Variants in TJP1 observed in about 807,000 individuals in gnomAD.
TJP1 encodes the protein tight junction protein 1.
Under a neutral mutation model 194.2 loss-of-function variants are expected in TJP1, and 43 were observed. The ratio of observed to expected loss-of-function variants is 0.22; its 90% confidence interval spans 0.17 to 0.29. The LOEUF (loss-of-function observed/expected upper bound fraction) is 0.29. Ranked by LOEUF, TJP1 falls within the 10% of genes least tolerant of loss-of-function variation. The probability of loss-of-function intolerance (pLI) is 1.00; values close to 1 mark genes in which losing one functional copy is unlikely to be tolerated. For missense variants in TJP1, 1,971 were observed against 2,185.7 expected (o/e 0.90, Z 1.96); for synonymous variants, 801 against 779.0 (o/e 1.03, Z -0.47).
At position 29,701,680 on chromosome 15, in the gene TJP1, T is replaced by A; in HGVS notation, c.5222A>T (p.Lys1741Ile). Reference protein sequence around the residue: ...KSSDSSSGDPKTWQNKCLPGD... With the variant: ...KSSDSSSGDPITWQNKCLPGD... ...GGGAAGACACTTGTTTTGCCAGGTT[T>A]TAGGATCACCTATGAGAGAAAAGAA... is the stretch of plus-strand genomic sequence containing the variant. The change falls in exon 28 of 28, where the codon AAA (lysine) becomes ATA (isoleucine). Residue 1741 changes from lysine (K) to isoleucine (I), a missense_variant. Around this residue, in one of 5 missense-constraint regions of TJP1, gnomAD observed 1,108 missense variants for 1,128.5 expected, o/e 0.98. Coordinates refer to ENST00000614355, the MANE Select transcript of TJP1 (RefSeq NM_001330239.4). 1 of 1,613,966 alleles carries A rather than the reference T, an allele frequency of 6.2e-7. No individual in the cohort carries two copies. Among genetic ancestry groups the A allele is most frequent in the South Asian group, 1.1e-5 (1 of 91,086 alleles).
chr15:29,767,958 C>T (rs2046424619), intron 4 of TJP1, among the ~76,000 whole-genome samples: 1 of 152,172 alleles, frequency 6.6e-6, no homozygotes, highest in Non-Finnish European at 1.5e-5. Flanking sequence ...AAACTTCAAT[C>T]TCTTTATTTA....
At chr15:29,762,956 A>T (rs2046101746) in intron 5 of TJP1, among the ~76,000 whole-genome samples, 1 of 152,150 alleles carries the variant, frequency 6.6e-6, no homozygotes, top group Non-Finnish European at 1.5e-5. Flanking sequence ...CTTTGAAAAG[A>T]TTGACCATTT....
rs775104061 is a variant in TJP1 at position 29,761,172 on chromosome 15, G to A, written c.977C>T (p.Ser326Phe). ...GCTTGGCTGCTGCGGCGAGTGCCTG[G>A]AATGATCAGAAGGCTCTGACCGCTG... ...PDQRSEPSDH[S>F]RHSPQQPSNG... Residue 326 changes from serine (S) to phenylalanine (F), a missense_variant, in exon 8 of 28, where the codon TCC (serine) becomes TTC (phenylalanine). Around this residue, in one of 5 missense-constraint regions of TJP1, gnomAD observed 192 missense variants for 182.3 expected, o/e 1.05. Coordinates refer to ENST00000614355, the MANE Select transcript of TJP1 (RefSeq NM_001330239.4). The A allele has an allele frequency of 2.5e-6, 4 of 1,612,758 alleles. No individual in the cohort carries two copies. Among genetic ancestry groups the A allele is most frequent in the East Asian group, 2.2e-5 (1 of 44,776 alleles).
chr15:29,968,869 A>C, exon 1 of TJP1: 1 of 451,890 alleles, frequency 2.2e-6, no homozygotes, highest in Non-Finnish European at 2.9e-6. Context: ...CGCCGCCACC[A>C]CAGCTCCCAC....
In TJP1 at chr15:29,719,124, A is replaced by G; in HGVS notation, c.3018T>C (p.Asp1006=). The G allele has an allele frequency of 6.2e-7, 1 of 1,611,306 alleles. No homozygotes were observed. Among genetic ancestry groups the G allele is most frequent in the South Asian group, 1.1e-5 (1 of 90,568 alleles). ...GCCTCATCATTTCCTCGGGATATGG[A>G]TCCTTTCTATACACCTGTATAAAAA... ...HVDPTKVYRK[D]PYPEEMMRQN... is the part of the protein sequence containing the mutation. Residue 1006 remains aspartate (D), a synonymous_variant, in exon 21 of 28, where the codon GAT becomes GAC. Transcript: ENST00000614355.
Position 29,895,164 on chromosome 15 carries a change from G to T in TJP1, c.306+61068C>A, listed in dbSNP as rs115971664. On this transcript the variant is annotated intron_variant, in intron 2 of 28. Transcript: ENST00000356107. ...GTGGATTCACACCAATCTCATCAAA[G>T]AGTTGCTTGGCCACACCCTTGCTGT... Among the ~76,000 whole-genome samples the T allele has an allele frequency of 5.0e-3, 758 of 152,294 alleles. 7 individuals carry two copies. Among genetic ancestry groups the T allele is most frequent in the African/African-American group, 0.017 (706 of 41,558 alleles).
chr15:29,821,127 A>C (rs547281899), intron 1 of TJP1, among the ~76,000 whole-genome samples: 1 of 152,236 alleles, frequency 6.6e-6, no homozygotes, highest in Non-Finnish European at 1.5e-5. Context: ...TTTATGATGA[A>C]AAAATTAATA....
chr15:29,732,191 T>C (rs2043709621), intron 15 of TJP1: 2 of 509,376 alleles, frequency 3.9e-6, no homozygotes, highest in African/African-American at 1.9e-5. Flanking sequence ...TCAATGACAT[T>C]GTATGTTATG....
chr15:29,807,552 A>G (rs942622842), intron 1 of TJP1, among the ~76,000 whole-genome samples: 4 of 152,188 alleles, frequency 2.6e-5, no homozygotes, highest in African/African-American at 2.4e-5. Context: ...TCCTCTGAGT[A>G]TATCTTTTTG....
intron 13 of TJP1, 26 bp from the exon 14 acceptor site, chr15:29,732,841 A>C (rs149646682): frequency 6.4e-7 from 1 of 1,552,164 alleles, no homozygotes; most frequent in Non-Finnish European, 8.7e-7. Flanking sequence ...GAAAATTAAA[A>C]TAAGGGCATT....
At chr15:29,820,395 T>C in intron 1 of TJP1, 1 of 628,604 alleles carries the variant, frequency 1.6e-6, no homozygotes, top group Non-Finnish European at 2.9e-6. Flanking sequence ...AAAAAAAAGC[T>C]TTCAACTTGC....
Position 29,720,558 on chromosome 15 carries a change from C to T in TJP1, c.2563G>A (p.Asp855Asn). 6.2e-7 allele frequency: 1 copy of T among 1,614,114 alleles called. No homozygotes were observed. The highest frequency in any genetic ancestry group is 8.5e-7 in the Non-Finnish European group (1 of 1,180,032). Reference sequence around the variant, plus strand: ...TTAAGAGTTTCATCTAGTTCTTGATCAGTGTAGGCCCCGCCTTCTGTGTCT... The same window carrying T: ...TTAAGAGTTTCATCTAGTTCTTGATTAGTGTAGGCCCCGCCTTCTGTGTCT... ...DTDTEGGAYT[D>N]QELDETLNDE... is the part of the protein sequence containing the mutation. The change falls in exon 19 of 28, where the codon GAT becomes AAT. Residue 855 changes from aspartate to asparagine, a missense_variant. Asp to Asn is a conservative substitution (Grantham distance 23). Coordinates refer to ENST00000614355, the MANE Select transcript of TJP1 (RefSeq NM_001330239.4).
At chr15:29,773,182 G>A (rs745400481) in intron 3 of TJP1, 51 bp downstream of exon 3, 1 of 1,604,800 alleles carries the variant, frequency 6.2e-7, no homozygotes, top group Non-Finnish European at 8.5e-7. Context: ...CAGTGCCTGA[G>A]GAGAGGAACA....
rs552060178 is a variant in TJP1 at position 29,941,216 on chromosome 15, C to T, written c.306+15016G>A. Among the ~76,000 whole-genome samples, 3 of 152,220 alleles carry T rather than the reference C, an allele frequency of 2.0e-5. No homozygotes were observed. The East Asian group carries it at 5.8e-4, about 29-fold the overall frequency. On this transcript the variant is annotated intron_variant, in intron 2 of 28. Transcript: ENST00000356107. ...CCCACCTGCTTGAGGCCACACACAT[C>T]TCCGTGGACCACTCCTCCCTTCCAG...
At chr15:29,887,992 C>A (rs1354173981) in intron 2 of TJP1, among the ~76,000 whole-genome samples, 3 of 152,056 alleles carry the variant, frequency 2.0e-5, no homozygotes, top group Non-Finnish European at 2.9e-5. Context: ...AATAAATATT[C>A]TCTGTGTACA....
chr15:29,949,277 A>T (rs2055432908), intron 2 of TJP1, among the ~76,000 whole-genome samples: 2 of 93,786 alleles, frequency 2.1e-5, no homozygotes, highest in African/African-American at 5.3e-5. Flanking sequence ...CACCTCCATC[A>T]CCTCCACCGC....
At chr15:29,719,714 A>G (rs17671556) in intron 20 of TJP1, 63 bp downstream of exon 20, 89,588 of 1,566,280 alleles carry the variant, frequency 0.057, 2,858 homozygotes, top group South Asian at 0.083. Flanking sequence ...GGGCAAAGCA[A>G]AAATGATCAT....
At chr15:29,964,238 G>A (rs1453109450) in intron 1 of TJP1, among the ~76,000 whole-genome samples, 1 of 152,172 alleles carries the variant, frequency 6.6e-6, no homozygotes, top group Non-Finnish European at 1.5e-5. Context: ...GAATAAGGAA[G>A]CAAGACTCAA....
rs558857558 is a variant in TJP1, at chr15:29,850,963, C to T, written c.307-50261G>A. 2.1e-3 allele frequency among the ~76,000 whole-genome samples: 321 copies of T among 152,104 alleles called. 2 individuals are homozygous for T. The highest frequency in any genetic ancestry group is 6.9e-3 in the African/African-American group (285 of 41,516). On this transcript the variant is annotated intron_variant, in intron 2 of 28. Transcript: ENST00000356107. ...GATCAGCCTGGCCAATATGGTGAAACGCTGTCTCTACTAAAAATACAAAAA... is the reference window on the plus strand; with the variant it reads ...GATCAGCCTGGCCAATATGGTGAAATGCTGTCTCTACTAAAAATACAAAAA...
Sources: gnomAD v4.1 joint callset for allele counts (sites outside exome capture counted in the v4.1 genomes callset) on GRCh38, gnomAD v4.1.1 for gene constraint, gnomAD v4.1.1 regional missense constraint, MANE v1.5 for transcripts, NCBI Gene and HGNC (gene_info 2026-07-23, HGNC 2026-07-21) for gene names.